TEF: variants seen among roughly 807,000 people sequenced by gnomAD.
The protein encoded by TEF is TEF transcription factor, PAR bZIP family member, also known as thyrotroph embryonic factor.
In TEF, 3 loss-of-function variants were observed where a neutral mutation model predicts 20.8. The observed-to-expected ratio is 0.14, with a 90% CI of 0.07 to 0.37. The LOEUF (loss-of-function observed/expected upper bound fraction) is 0.37. Among genes scored for constraint, TEF ranks in the 10% least tolerant of loss-of-function variants. The probability of loss-of-function intolerance (pLI) is 1.00; values close to 1 mark genes in which losing one functional copy is unlikely to be tolerated. For synonymous variants in TEF, 180 were observed against 171.1 expected (o/e 1.05, Z -0.41); for missense variants, 296 against 397.9 (o/e 0.74, Z 2.18).
At chr22:41,390,635 A>C (rs1271707836) in intron 2 of TEF, among the ~76,000 whole-genome samples, 2 of 150,524 alleles carry the variant, frequency 1.3e-5, no homozygotes, top group Admixed American at 1.3e-4. Context: ...AGTAGCTGGG[A>C]ATACAGGCGC....
Position 41,367,754 on chromosome 22 carries a change from G to A in TEF, c.67+155G>A, listed in dbSNP as rs149577542. Among the ~76,000 whole-genome samples, 55 of 152,264 alleles carry A rather than the reference G, an allele frequency of 3.6e-4. No homozygotes were observed. In the East Asian group the frequency reaches 8.3e-3, roughly 23 times the overall value. On this transcript the variant is annotated intron_variant, in intron 1 of 3. Coordinates refer to the TEF transcript ENST00000406644. ...TCTCAGGGTGCAGAGTGCGGAGAGGGGTTCGAGGAGGCATGTGTCACACCG... is the reference window on the plus strand; with the variant it reads ...TCTCAGGGTGCAGAGTGCGGAGAGGAGTTCGAGGAGGCATGTGTCACACCG...
In TEF at chr22:41,393,822, G is replaced by T. The variant is rs565960438; in HGVS notation, c.476-274G>T. On this transcript the variant is annotated intron_variant, in intron 2 of 3. Transcript: ENST00000266304. ...AATGTTTTGCTTAACATTTCTGGAG[G>T]GGGTGGAAACAATTGGAAAACCCTG... 7.2e-5 allele frequency among the ~76,000 whole-genome samples: 11 copies of T among 152,182 alleles called. No individual in the cohort carries two copies. In the South Asian group the frequency reaches 1.9e-3, roughly 26 times the overall value.
intron 2 of TEF, among the ~76,000 whole-genome samples, chr22:41,388,032 C>T (rs188886009): frequency 1.2e-3 from 133 of 109,110 alleles, no homozygotes; most frequent in African/African-American, 4.6e-3. Context: ...GAGTCTCGCT[C>T]TGTTGCCCAG....
chr22:41,382,877 C>A (rs912209406), intron 1 of TEF: 18 of 470,824 alleles, frequency 3.8e-5, no homozygotes, highest in Non-Finnish European at 7.9e-5. Flanking sequence ...CACTGAGGCC[C>A]TTCGCCTGGT....
chr22:41,379,526 ACAAAAAC>A (rs1255527483), upstream of TEF, among the ~76,000 whole-genome samples: 2 of 151,112 alleles, frequency 1.3e-5, no homozygotes, highest in African/African-American at 4.9e-5. Flanking sequence ...AAAACAAAAA[ACAAAAAC>A]ACCATAAGGT....
intron 1 of TEF, among the ~76,000 whole-genome samples, chr22:41,374,586 C>T (rs2036918665): frequency 6.6e-6 from 1 of 151,184 alleles, no homozygotes; most frequent in African/African-American, 2.4e-5. Flanking sequence ...CAAGGCAGTG[C>T]ACACCTGAAA....
intron 2 of TEF, among the ~76,000 whole-genome samples, chr22:41,391,201 G>T (rs1284228805): frequency 6.6e-6 from 1 of 152,156 alleles, no homozygotes; most frequent in African/African-American, 2.4e-5. Flanking sequence ...CCACACCTCT[G>T]CCCAGAGCCC....
At chr22:41,370,604 G>C (rs1230256951) in intron 1 of TEF, among the ~76,000 whole-genome samples, 3 of 151,874 alleles carry the variant, frequency 2.0e-5, no homozygotes, top group Non-Finnish European at 2.9e-5. Context: ...GTAGAGACAG[G>C]TTTCACCATG....
At chr22:41,379,364 G>A (rs566973654), upstream of TEF, among the ~76,000 whole-genome samples, 4 of 151,556 alleles carry the variant, frequency 2.6e-5, no homozygotes, top group South Asian at 4.2e-4. Context: ...AAAATTAGCC[G>A]TACGTGGTGG....
chr22:41,395,831 C>G lies in TEF; in HGVS notation c.783C>G (p.Ile261Met). 6.2e-7 allele frequency: 1 copy of G among 1,614,230 alleles called. No individual in the cohort carries two copies. Among genetic ancestry groups the G allele is most frequent in the Non-Finnish European group, 8.5e-7 (1 of 1,180,036 alleles). ...CCCGGCGCCTGAAAGAGAATCAGAT[C>G]ACCATCCGGGCAGCCTTCCTGGAGA... ...RDARRLKENQ[I>M]TIRAAFLEKE... Residue 261 changes from isoleucine to methionine, a missense_variant, in exon 4 of 4, where the codon ATC (isoleucine) becomes ATG (methionine). Transcript: ENST00000266304.
chr22:41,381,860 C>T (rs2037029191), upstream of TEF: 3 of 1,218,514 alleles, frequency 2.5e-6, no homozygotes, highest in Non-Finnish European at 3.1e-6. Flanking sequence ...GCTGGCCTGG[C>T]CTCATGAATA....
chr22:41,374,551 CA>C (rs778761708), intron 1 of TEF, among the ~76,000 whole-genome samples: 696 of 130,804 alleles, frequency 5.3e-3, no homozygotes, highest in Middle Eastern at 0.025. Context: ...GACTCTGTCT[CA>C]AAAAAAAAAA....
chr22:41,370,677 G>A (rs190225611), intron 1 of TEF, among the ~76,000 whole-genome samples: 44 of 152,326 alleles, frequency 2.9e-4, no homozygotes, highest in African/African-American at 9.9e-4. Flanking sequence ...CTCCCAAAGT[G>A]CTGGGATTAC....
In TEF at chr22:41,391,615, C is replaced by A. The variant is rs5751091; in HGVS notation, c.476-2481C>A. ...ACAGGCATGAGCCACCACACCAGGCCGGCATCTGACTTTTTTTTTTTTTTT... is the reference window on the plus strand; with the variant it reads ...ACAGGCATGAGCCACCACACCAGGCAGGCATCTGACTTTTTTTTTTTTTTT... On this transcript the variant is annotated intron_variant, in intron 2 of 3. Transcript: ENST00000266304. Among the ~76,000 whole-genome samples, 3 of 149,524 alleles carry A rather than the reference C, an allele frequency of 2.0e-5. No individual in the cohort carries two copies. The East Asian group carries it at 6.0e-4, about 30-fold the overall frequency.
At chr22:41,379,209 G>A (rs1244467064), upstream of TEF, among the ~76,000 whole-genome samples, 2 of 152,084 alleles carry the variant, frequency 1.3e-5, no homozygotes. Flanking sequence ...ACGGTGGCGG[G>A]CTCCTGTAGT....
intron 1 of TEF, among the ~76,000 whole-genome samples, chr22:41,384,548 A>C (rs1019076360): frequency 2.0e-5 from 3 of 152,164 alleles, no homozygotes; most frequent in Non-Finnish European, 4.4e-5. Flanking sequence ...GGGTCCTGAA[A>C]AGACAGCTCC....
At chr22:41,394,358 C>A in intron 3 of TEF, 42 bp downstream of exon 3, 1 of 1,580,084 alleles carries the variant, frequency 6.3e-7, no homozygotes, top group South Asian at 1.1e-5. Context: ...AGCGTTGGTT[C>A]AAGGGCCTAG....
chr22:41,383,309 G>T (rs150531494), intron 1 of TEF, among the ~76,000 whole-genome samples: 32 of 152,184 alleles, frequency 2.1e-4, no homozygotes, highest in African/African-American at 7.5e-4. Flanking sequence ...CCTGCTTTGG[G>T]ACCTCATGTG....
chr22:41,369,811 C>A, intron 1 of TEF: 1 of 757,938 alleles, frequency 1.3e-6, no homozygotes, highest in Non-Finnish European at 1.6e-6. Flanking sequence ...CCAGGTGCTC[C>A]AGAAAACAGG....
Sources: allele counts gnomAD v4.1 joint callset (sites outside exome capture counted in the v4.1 genomes callset), GRCh38; gene constraint gnomAD v4.1.1; transcripts MANE v1.5; gene names NCBI Gene and HGNC (gene_info 2026-07-23, HGNC 2026-07-21).